ADORA2B: variants seen among roughly 807,000 people sequenced by gnomAD.
ADORA2B encodes adenosine A2b receptor, also known as adenosine receptor A2b.
A neutral mutation model predicts 20.8 loss-of-function variants in ADORA2B; 18 were observed. That is an observed-to-expected ratio of 0.87 (90% CI 0.60 to 1.29). The LOEUF is 1.29. ADORA2B is among the 50% of genes most tolerant of loss of function. The pLI is 0.00. For missense variants in ADORA2B, 441 were observed against 422.7 expected, an observed-to-expected ratio of 1.04 and a Z score of -0.38; for synonymous variants, 179 against 178.3, an observed-to-expected ratio of 1.00 and a Z score of -0.03.
intron 1 of ADORA2B, among the ~76,000 whole-genome samples, chr17:15,960,704 T>G (rs567420462): frequency 6.6e-6 from 1 of 151,380 alleles, no homozygotes; most frequent in Non-Finnish European, 1.5e-5. Context: ...ACCCCGTCTC[T>G]ACTAAAAACA....
At chr17:15,953,438 C>T (rs1250220473) in intron 1 of ADORA2B, among the ~76,000 whole-genome samples, 3 of 152,222 alleles carry the variant, frequency 2.0e-5, no homozygotes, top group Admixed American at 6.5e-5. Flanking sequence ...GGGCAGCCCC[C>T]AGCCTGTTTC....
At chr17:15,874,574 A>G in the ADORA2B span, among the ~76,000 whole-genome samples, 1 of 151,812 alleles carries the variant, frequency 6.6e-6, no homozygotes, top group South Asian at 2.1e-4. Context: ...AACCTGTAGT[A>G]CCAGCTACTT....
the ADORA2B span, among the ~76,000 whole-genome samples, chr17:15,856,033 T>C: frequency 1.3e-5 from 2 of 152,144 alleles, no homozygotes; most frequent in Non-Finnish European, 2.9e-5. Context: ...ACTGATACGG[T>C]TTCCCTCTGT....
chr17:15,959,981 A>G (rs1970015083), intron 1 of ADORA2B, among the ~76,000 whole-genome samples: 1 of 152,200 alleles, frequency 6.6e-6, no homozygotes, highest in Non-Finnish European at 1.5e-5. Context: ...TTAGTCTTTC[A>G]AGACATTAAC....
chr17:15,874,095 T>TAC, the ADORA2B span, among the ~76,000 whole-genome samples: 4,527 of 145,686 alleles, frequency 0.031, 300 homozygotes, highest in African/African-American at 0.11. Context: ...TATATATGTA[T>TAC]ACACACACAC....
At chr17:15,938,383 A>G in the ADORA2B span, among the ~76,000 whole-genome samples, 4 of 152,108 alleles carry the variant, frequency 2.6e-5, no homozygotes, top group African/African-American at 9.7e-5. Context: ...GCTCACTGCA[A>G]CCTCTGCCTC....
the ADORA2B span, among the ~76,000 whole-genome samples, chr17:15,866,433 C>T: frequency 2.6e-5 from 4 of 151,604 alleles, no homozygotes; most frequent in East Asian, 1.9e-4. Context: ...TGCAAATTGG[C>T]CATGTGGATA....
At chr17:15,890,946 C>T in the ADORA2B span, among the ~76,000 whole-genome samples, 1 of 152,194 alleles carries the variant, frequency 6.6e-6, no homozygotes, top group Admixed American at 6.5e-5. Context: ...TACCAGATAG[C>T]CTGAGATTGG....
chr17:15,867,357 C>T, the ADORA2B span, among the ~76,000 whole-genome samples: 6 of 151,924 alleles, frequency 3.9e-5, no homozygotes, highest in South Asian at 2.1e-4. Context: ...TCTGCCAGGC[C>T]GCCCATCGTC....
At chr17:15,944,967 A>C, upstream of ADORA2B, 1 of 251,520 alleles carries the variant, frequency 4.0e-6, no homozygotes, top group Non-Finnish European at 7.5e-6. This position sits in a 1 kb window ranked among gnomAD's most constrained non-coding sequence, Gnocchi z 4.8. Flanking sequence ...CGGCGCCTGG[A>C]CCGGAGGGGC....
At chr17:15,925,145 C>G in the ADORA2B span, among the ~76,000 whole-genome samples, 1 of 152,204 alleles carries the variant, frequency 6.6e-6, no homozygotes, top group East Asian at 1.9e-4. Context: ...AGGTGATTCT[C>G]CTGCCTCAGC....
intron 1 of ADORA2B, among the ~76,000 whole-genome samples, chr17:15,968,962 A>G (rs1970153240): frequency 6.6e-6 from 1 of 152,070 alleles, no homozygotes; most frequent in Admixed American, 6.6e-5. Flanking sequence ...CTCAGCTGAT[A>G]ACTTTCTCCA....
the ADORA2B span, among the ~76,000 whole-genome samples, chr17:15,912,523 C>T: frequency 1.3e-5 from 2 of 152,180 alleles, no homozygotes; most frequent in Admixed American, 6.5e-5. Flanking sequence ...AGCACAGGCT[C>T]GGATAAGGGA....
At chr17:15,855,556 C>T in the ADORA2B span, among the ~76,000 whole-genome samples, 1 of 151,310 alleles carries the variant, frequency 6.6e-6, no homozygotes, top group South Asian at 2.1e-4. Context: ...AATAATATCA[C>T]TCTCACCTGC....
chr17:15,945,004 G>C (rs944337581), upstream of ADORA2B: 2 of 289,636 alleles, frequency 6.9e-6, no homozygotes, highest in African/African-American at 2.2e-5. Flanking sequence ...CTTTGGGCTC[G>C]GGCGAGTGGG....
the ADORA2B span, among the ~76,000 whole-genome samples, chr17:15,856,060 C>T: frequency 2.6e-5 from 4 of 152,100 alleles, no homozygotes; most frequent in African/African-American, 9.7e-5. Flanking sequence ...ACCCAAATCT[C>T]ATCTCGAATT....
At chr17:15,959,092 G>A (rs1306549065) in intron 1 of ADORA2B, among the ~76,000 whole-genome samples, 6 of 152,118 alleles carry the variant, frequency 3.9e-5, no homozygotes, top group African/African-American at 1.4e-4. Context: ...CCTGAGAGGA[G>A]AGATAGGAGA....
the ADORA2B span, among the ~76,000 whole-genome samples, chr17:15,919,327 G>T: frequency 3.3e-5 from 5 of 152,144 alleles, no homozygotes; most frequent in Admixed American, 2.0e-4. Context: ...AACCCGTTGA[G>T]TCATTCCTGC....
chr17:15,943,633 T>G (rs1360655721), upstream of ADORA2B, among the ~76,000 whole-genome samples: 2 of 152,212 alleles, frequency 1.3e-5, no homozygotes, highest in Admixed American at 6.5e-5. Context: ...TTGTCGTCAT[T>G]ACAGCTACAT....
Sources: gnomAD v4.1 joint callset for allele counts (sites outside exome capture counted in the v4.1 genomes callset) on GRCh38, gnomAD v4.1.1 for gene constraint, Gnocchi (gnomAD v3.1) non-coding constraint, MANE v1.5 for transcripts, NCBI Gene and HGNC (gene_info 2026-07-23, HGNC 2026-07-21) for gene names.